Variants in CADM2 observed in about 807,000 individuals in gnomAD.
The protein encoded by CADM2 is cell adhesion molecule 2.
Under a neutral mutation model 49.8 loss-of-function variants are expected in CADM2, and 12 were observed. That is an observed-to-expected ratio of 0.24 (90% CI 0.15 to 0.39). The LOEUF (loss-of-function observed/expected upper bound fraction) is 0.39, where lower values mean the gene tolerates loss of function less well. CADM2 is among the 10% of genes least tolerant of loss of function. The probability of loss-of-function intolerance (pLI) is 1.00; values close to 1 mark genes in which losing one functional copy is unlikely to be tolerated. For missense variants in CADM2, 378 were observed against 492.3 expected, an observed-to-expected ratio of 0.77 and a Z score of 2.20; for synonymous variants, 214 against 175.4, an observed-to-expected ratio of 1.22 and a Z score of -1.74.
chr3:85,592,347 C>T (rs931848123), intron 1 of CADM2, among the ~76,000 whole-genome samples: 4 of 151,922 alleles, frequency 2.6e-5, no homozygotes, highest in African/African-American at 9.7e-5. Context: ...TTCACATCCA[C>T]TGCTAAGAAA....
intron 1 of CADM2, among the ~76,000 whole-genome samples, chr3:85,604,249 A>G (rs909254823): frequency 1.3e-5 from 2 of 151,928 alleles, no homozygotes; most frequent in Non-Finnish European, 2.9e-5. Flanking sequence ...GAAAATATTT[A>G]CACTGGAGGG....
chr3:85,993,877 A>G (rs545647290), intron 8 of CADM2: 2 of 152,210 alleles, frequency 1.3e-5, no homozygotes, highest in Admixed American at 1.3e-4. Flanking sequence ...AGATGTGCTA[A>G]CACCCAGGCC....
chr3:85,750,202 A>C (rs934352776), intron 2 of CADM2, among the ~76,000 whole-genome samples: 1 of 152,000 alleles, frequency 6.6e-6, no homozygotes, highest in African/African-American at 2.4e-5. Flanking sequence ...GAAGATGTGT[A>C]GTAATTTTCT....
chr3:85,429,450 A>G (rs911438479), intron 1 of CADM2, among the ~76,000 whole-genome samples: 3 of 152,122 alleles, frequency 2.0e-5, no homozygotes, highest in Non-Finnish European at 4.4e-5. Flanking sequence ...GGTTTTAATT[A>G]TATATCGTTA....
chr3:85,601,181 C>T (rs1296749959), intron 1 of CADM2, among the ~76,000 whole-genome samples: 1 of 136,858 alleles, frequency 7.3e-6, no homozygotes, highest in Non-Finnish European at 1.6e-5. Context: ...TATACACACA[C>T]ACACACACAT....
intron 1 of CADM2, among the ~76,000 whole-genome samples, chr3:85,302,381 A>T (rs2044122789): frequency 6.6e-6 from 1 of 152,030 alleles, no homozygotes; most frequent in African/African-American, 2.4e-5. Flanking sequence ...AATCCTGAGT[A>T]TGTCCATTAA....
At chr3:84,987,006 C>A (rs374705323) in intron 1 of CADM2, among the ~76,000 whole-genome samples, 35 of 150,694 alleles carry the variant, frequency 2.3e-4, no homozygotes, top group African/African-American at 8.5e-4. Flanking sequence ...GAGCCGAGAT[C>A]GCATCATTGC....
At chr3:85,907,391 C>T (rs1716942160) in intron 5 of CADM2, among the ~76,000 whole-genome samples, 1 of 152,180 alleles carries the variant, frequency 6.6e-6, no homozygotes, top group Non-Finnish European at 1.5e-5. Flanking sequence ...TGCTCATGGT[C>T]AGAGAATTCA....
At chr3:85,891,413 A>G (rs937340796) in intron 5 of CADM2, among the ~76,000 whole-genome samples, 1 of 152,224 alleles carries the variant, frequency 6.6e-6, no homozygotes, top group Non-Finnish European at 1.5e-5. Context: ...ATCCTTAATT[A>G]TCCACACCCT....
intron 1 of CADM2, among the ~76,000 whole-genome samples, chr3:85,160,256 A>G (rs1576012360): frequency 6.6e-6 from 1 of 152,114 alleles, no homozygotes; most frequent in East Asian, 1.9e-4. Context: ...TCCCAAACCC[A>G]AAATTATTCA....
chr3:86,059,702 A>G lies in CADM2; in HGVS notation c.971-5903A>G, dbSNP rs865956066. 2.0e-4 allele frequency among the ~76,000 whole-genome samples: 30 copies of G among 152,272 alleles called. 1 individual carries two copies. In the Middle Eastern group the frequency reaches 0.017, roughly 86 times the overall value. ...AGCTTTACTTCGTCTTTTTATTGCT[A>G]TGAAATAGGAGGTAGATGTGAGAGG... On this transcript the variant is annotated intron_variant, in intron 8 of 9. Coordinates refer to ENST00000383699, the MANE Select transcript of CADM2 (RefSeq NM_001167675.2).
intron 8 of CADM2, among the ~76,000 whole-genome samples, chr3:85,984,532 CTG>C (rs1169693859): frequency 1.3e-5 from 2 of 151,622 alleles, no homozygotes; most frequent in Middle Eastern, 3.4e-3. Flanking sequence ...GAATTTATAA[CTG>C]AACTTTTATA....
At chr3:85,671,168 T>A (rs2065723908) in intron 1 of CADM2, among the ~76,000 whole-genome samples, 1 of 152,232 alleles carries the variant, frequency 6.6e-6, no homozygotes, top group African/African-American at 2.4e-5. Context: ...AGTGTTTCTA[T>A]TAAATTGCAT....
chr3:85,767,261 C>G (rs1002289361), intron 2 of CADM2, among the ~76,000 whole-genome samples: 1 of 152,072 alleles, frequency 6.6e-6, no homozygotes, highest in Non-Finnish European at 1.5e-5. Flanking sequence ...CTGACTGTGT[C>G]AATATTGGGC....
intron 1 of CADM2, among the ~76,000 whole-genome samples, chr3:85,460,528 A>G (rs2038197375): frequency 6.6e-6 from 1 of 152,166 alleles, no homozygotes; most frequent in Non-Finnish European, 1.5e-5. Context: ...GGAGGTATGA[A>G]GGTTATAGGC....
intron 1 of CADM2, among the ~76,000 whole-genome samples, chr3:85,514,655 A>G (rs894714687): frequency 1.3e-5 from 2 of 152,116 alleles, no homozygotes; most frequent in African/African-American, 4.8e-5. Flanking sequence ...GACCTTTTCT[A>G]TGCAAATATG....
At chr3:85,855,623 T>TATATATATATATATATGTATAAAAC (rs1238112475) in intron 3 of CADM2, among the ~76,000 whole-genome samples, 9 of 44,874 alleles carry the variant, frequency 2.0e-4, no homozygotes, top group African/African-American at 1.1e-3. Flanking sequence ...ATATAAAACA[T>TATATATATATATATATGTATAAAAC]ATATATATAT....
intron 8 of CADM2, among the ~76,000 whole-genome samples, chr3:86,049,044 T>A (rs899855900): frequency 2.0e-5 from 3 of 152,144 alleles, no homozygotes; most frequent in African/African-American, 7.2e-5. Context: ...TTTTTTCCTG[T>A]TTTGTATTTA....
intron 8 of CADM2, chr3:85,993,458 A>T (rs956672478): frequency 1.3e-5 from 2 of 151,824 alleles, no homozygotes; most frequent in African/African-American, 4.8e-5. Flanking sequence ...CTTCTTCCAA[A>T]CTCCTGCCAG....
Sources: gnomAD v4.1 joint callset for allele counts (sites outside exome capture counted in the v4.1 genomes callset) on GRCh38, gnomAD v4.1.1 for gene constraint, MANE v1.5 for transcripts, NCBI Gene and HGNC (gene_info 2026-07-23, HGNC 2026-07-21) for gene names.